PIPOX: variants seen among roughly 807,000 people sequenced by gnomAD.
PIPOX encodes peroxisomal sarcosine oxidase.
PIPOX carries 45 observed loss-of-function variants against 47.9 expected under a neutral mutation model. The ratio of observed to expected loss-of-function variants is 0.94; its 90% CI spans 0.74 to 1.20. PIPOX has a LOEUF of 1.20. Ranked by LOEUF, PIPOX falls within the 50% of genes most tolerant of loss-of-function variation. The pLI is 0.00. For synonymous variants in PIPOX, 165 were observed against 191.3 expected (o/e 0.86, Z 1.13); for missense variants, 458 against 498.4 (o/e 0.92, Z 0.77).
In PIPOX at chr17:29,054,530, T is replaced by G. The variant is rs751340842; in HGVS notation, c.661-15T>G. The G allele has an allele frequency of 2.5e-6, 4 of 1,612,254 alleles. No homozygotes were observed. The highest frequency in any genetic ancestry group is 3.4e-6 in the Non-Finnish European group (4 of 1,178,582). On this transcript the variant is annotated splice_polypyrimidine_tract_variant and intron_variant, in intron 4 of 7. Coordinates refer to ENST00000323372, the MANE Select transcript of PIPOX (RefSeq NM_016518.3). ...TGGCTTTTCTTCATTTCCCACTTCC[T>G]CTCCCTGCCTCAAGACCCTGCGGAT... is the stretch of plus-strand genomic sequence containing the variant.
intron 2 of PIPOX, among the ~76,000 whole-genome samples, chr17:29,050,570 C>T (rs572146845): frequency 6.6e-6 from 1 of 152,070 alleles, no homozygotes; most frequent in South Asian, 2.1e-4. Context: ...GTGGCTCACG[C>T]CTGTAGTCTG....
intron 6 of PIPOX, 77 bp downstream of exon 6, chr17:29,055,298 C>A: frequency 1.3e-6 from 2 of 1,536,778 alleles, no homozygotes; most frequent in African/African-American, 1.4e-5. Context: ...CTTGCACTGG[C>A]CAGGCCCGAT....
At chr17:29,044,701 C>T (rs1237140759) in intron 1 of PIPOX, among the ~76,000 whole-genome samples, 158 bp from the exon 2 acceptor site, 1 of 152,152 alleles carries the variant, frequency 6.6e-6, no homozygotes, top group Non-Finnish European at 1.5e-5. Flanking sequence ...TTCCTGGGCT[C>T]AAATTATCTT....
At chr17:29,052,050 AG>A in intron 2 of PIPOX, 1 of 471,104 alleles carries the variant, frequency 2.1e-6, no homozygotes, top group Admixed American at 2.3e-5. Context: ...AGGTGAAGCC[AG>A]GACTAGAGAC....
chr17:29,043,164 G>A lies in PIPOX; in HGVS notation c.-62G>A, dbSNP rs778342293. 1.5e-4 allele frequency: 195 copies of A among 1,318,372 alleles called. No individual in the cohort carries two copies. Among genetic ancestry groups the A allele is most frequent in the Non-Finnish European group, 1.8e-4 (162 of 923,454 alleles). The allele number at this position is 1,318,372 out of a possible 1,614,324, so 81.7% of individuals were successfully genotyped here. A position where few individuals can be genotyped will look rare whatever the true frequency, so the allele number is the denominator to read the frequency against. ...TTGCCTTCCTCCTCGTCCTTTAGCC[G>A]GGAGCCTGTCTTTGCTTGCCTTTGC... On this transcript the variant is annotated 5_prime_UTR_variant, in exon 1 of 8. Coordinates refer to ENST00000323372, the MANE Select transcript of PIPOX (RefSeq NM_016518.3).
chr17:29,053,444 G>A lies in PIPOX; in HGVS notation c.509G>A (p.Arg170His), dbSNP rs375887401. The A allele has an allele frequency of 1.4e-4, 232 of 1,613,884 alleles. No homozygotes were observed. Among genetic ancestry groups the A allele is most frequent in the Non-Finnish European group, 1.9e-4 (220 of 1,179,934 alleles). ...ATTCGACAGCTAGGAGGCATAGTGCGTGACGGAGAGAAGGTGGTGGAGATA... is the reference window on the plus strand; with the variant it reads ...ATTCGACAGCTAGGAGGCATAGTGCATGACGGAGAGAAGGTGGTGGAGATA... Reference protein sequence around the residue: ...DAIRQLGGIVRDGEKVVEINP... With the variant: ...DAIRQLGGIVHDGEKVVEINP... Residue 170 changes from arginine to histidine, a missense_variant, in exon 4 of 8, where the codon CGT (arginine) becomes CAT (histidine). Arg to His is a conservative substitution (Grantham distance 29, BLOSUM62 0). Coordinates refer to ENST00000323372, the MANE Select transcript of PIPOX (RefSeq NM_016518.3).
intron 2 of PIPOX, among the ~76,000 whole-genome samples, chr17:29,049,928 A>G (rs1427662408): frequency 6.6e-6 from 1 of 152,238 alleles, no homozygotes; most frequent in Non-Finnish European, 1.5e-5. Flanking sequence ...AAATGATTAC[A>G]ATCGGCACAA....
intron 2 of PIPOX, among the ~76,000 whole-genome samples, chr17:29,048,375 G>T (rs1414899243): frequency 1.3e-5 from 2 of 152,206 alleles, no homozygotes; most frequent in Non-Finnish European, 2.9e-5. Flanking sequence ...GGCAGTTCAG[G>T]TGGTTGTCCA....
chr17:29,046,548 C>A (rs1224066761), intron 2 of PIPOX: 5 of 975,570 alleles, frequency 5.1e-6, no homozygotes, highest in Non-Finnish European at 6.1e-6. Context: ...ATGTCTAGCA[C>A]CTTTCAATAA....
chr17:29,044,972 C>T lies in PIPOX; in HGVS notation c.228C>T (p.Ala76=), dbSNP rs779342769. ...TGCATGAGTGCTATCAGATATGGGCCCAGCTGGAGCACGAGGCTGGAACCC... is the reference window on the plus strand; with the variant it reads ...TGCATGAGTGCTATCAGATATGGGCTCAGCTGGAGCACGAGGCTGGAACCC... ...RMMHECYQIW[A]QLEHEAGTQL... Residue 76 remains alanine, a synonymous_variant, in exon 2 of 8, where the codon GCC becomes GCT. Coordinates refer to ENST00000323372, the MANE Select transcript of PIPOX (RefSeq NM_016518.3). 3 of 1,612,092 alleles carry T rather than the reference C, an allele frequency of 1.9e-6. No homozygotes were observed. The highest frequency in any genetic ancestry group is 1.1e-5 in the South Asian group (1 of 90,814).
intron 2 of PIPOX, chr17:29,046,843 C>A: frequency 1.3e-6 from 1 of 781,760 alleles, no homozygotes; most frequent in Non-Finnish European, 1.6e-6. Context: ...GCTGTTGAAC[C>A]TCTGGTGAGA....
intron 2 of PIPOX, among the ~76,000 whole-genome samples, chr17:29,045,639 G>A (rs935354081): frequency 2.6e-5 from 4 of 151,814 alleles, no homozygotes; most frequent in African/African-American, 4.8e-5. Context: ...TTGATCTCTC[G>A]ACCTCATGAT....
Position 29,052,940 on chromosome 17 carries a change from T to C in PIPOX, c.284T>C (p.Leu95Pro), listed in dbSNP as rs1190744841. ...AACAGGCAGACTGGATTACTGCTGC[T>C]GGGAATGAAAGAGAATCAAGAATTA... ...QLHRQTGLLL[L>P]GMKENQELKT... Residue 95 changes from leucine to proline, a missense_variant, in exon 3 of 8, where the codon CTG (leucine) becomes CCG (proline). Physicochemically the swap from Leu to Pro is moderately conservative, Grantham distance 98 (BLOSUM62 -3). Transcript: ENST00000323372. The C allele has an allele frequency of 1.9e-6, 3 of 1,614,110 alleles. No individual in the cohort carries two copies. The highest frequency in any genetic ancestry group is 2.5e-6 in the Non-Finnish European group (3 of 1,180,032).
chr17:29,053,542 G>C lies in PIPOX; in HGVS notation c.607G>C (p.Gly203Arg), dbSNP rs1296074112. The change falls in exon 4 of 8, where the codon GGT (glycine) becomes CGT (arginine). Residue 203 changes from glycine to arginine, a missense_variant. Gly to Arg is a moderately radical substitution (Grantham distance 125). Transcript: ENST00000323372. ...AGCTAAGAGCTTGGTCATCACAGCA[G>C]GTCCTTGGACCAACCAGCTCCTCCG... ...YQAKSLVITAGPWTNQLLRPL... is the reference protein window; with the variant it reads ...YQAKSLVITARPWTNQLLRPL... The C allele has an allele frequency of 6.2e-7, 1 of 1,613,850 alleles. No individual in the cohort carries two copies. The highest frequency in any genetic ancestry group is 2.2e-5 in the East Asian group (1 of 44,872).
At position 29,043,220 on chromosome 17, in the gene PIPOX, G is replaced by A. The variant is rs1292178796; in HGVS notation, c.-6G>A. 2 of 1,606,666 alleles carry A rather than the reference G, an allele frequency of 1.2e-6. No homozygotes were observed. Among genetic ancestry groups the A allele is most frequent in the South Asian group, 1.1e-5 (1 of 90,494 alleles). ...AGGCTCTGTGGCTGTGGGGCTGAGT[G>A]GCATCATGGCGGCTCAGAAAGATCT... On this transcript the variant is annotated 5_prime_UTR_variant, in exon 1 of 8. Coordinates refer to ENST00000323372, the MANE Select transcript of PIPOX (RefSeq NM_016518.3).
At chr17:29,047,690 T>TAA (rs5819860) in intron 2 of PIPOX, among the ~76,000 whole-genome samples, 1 of 151,760 alleles carries the variant, frequency 6.6e-6, no homozygotes, top group Non-Finnish European at 1.5e-5. Flanking sequence ...TTCTTTGGAT[T>TAA]AAAAAAAATC....
At chr17:29,044,830 C>A in intron 1 of PIPOX, 29 bp from the exon 2 acceptor site, 1 of 1,594,406 alleles carries the variant, frequency 6.3e-7, no homozygotes, top group Non-Finnish European at 8.6e-7. Context: ...GTAATGGCTT[C>A]CATCATCTCT....
At chr17:29,044,613 A>G (rs576164514) in intron 1 of PIPOX, among the ~76,000 whole-genome samples, 1 of 152,296 alleles carries the variant, frequency 6.6e-6, no homozygotes, top group Admixed American at 6.5e-5. Context: ...AGCTGGGACT[A>G]CAAGTGCCAC....
At chr17:29,043,404 TTTTC>T in intron 1 of PIPOX, 65 bp downstream of exon 1, 2 of 1,200,140 alleles carry the variant, frequency 1.7e-6, no homozygotes, top group Non-Finnish European at 2.4e-6. Flanking sequence ...TGCAGAAGGG[TTTTC>T]AGAGCCAGCA....
Sources: gnomAD v4.1 joint callset for allele counts (sites outside exome capture counted in the v4.1 genomes callset) on GRCh38, gnomAD v4.1.1 for gene constraint, MANE v1.5 for transcripts, NCBI Gene and HGNC (gene_info 2026-07-23, HGNC 2026-07-21) for gene names.